Variants in MARCHF1 observed in about 807,000 individuals in gnomAD.
MARCHF1 encodes membrane associated ring-CH-type finger 1.
A neutral mutation model predicts 54.2 loss-of-function variants in MARCHF1; 40 were observed. The ratio of observed to expected loss-of-function variants is 0.74; its 90% CI spans 0.57 to 0.96. The LOEUF is 0.96. Among genes scored for constraint, MARCHF1 ranks in the 40% least tolerant of loss-of-function variants. MARCHF1 has a pLI of 0.00. For synonymous variants in MARCHF1, 236 were observed against 236.3 expected, an observed-to-expected ratio of 1.00 and a Z score of 0.01; for missense variants, 586 against 656.5, an observed-to-expected ratio of 0.89 and a Z score of 1.17.
At position 164,247,373 on chromosome 4, in the gene MARCHF1, C is replaced by T. The variant is rs544093976; in HGVS notation, c.-322-135711G>A. On this transcript the variant is annotated intron_variant, in intron 1 of 9. Coordinates refer to ENST00000514618, the MANE Select transcript of MARCHF1 (RefSeq NM_001394959.1). Reference sequence around the variant, plus strand: ...ATCACAAGAACAAAAAACCAAACACCGCATATTCTCACTCATAGGTGGGAA... The same window carrying T: ...ATCACAAGAACAAAAAACCAAACACTGCATATTCTCACTCATAGGTGGGAA... Among the ~76,000 whole-genome samples the T allele has an allele frequency of 5.8e-3, 847 of 145,140 alleles. 10 individuals carry two copies. Among genetic ancestry groups the T allele is most frequent in the African/African-American group, 0.02 (795 of 39,946 alleles).
At chr4:164,004,506 G>A (rs767022061) in intron 2 of MARCHF1, among the ~76,000 whole-genome samples, 2 of 151,816 alleles carry the variant, frequency 1.3e-5, no homozygotes, top group African/African-American at 2.4e-5. Flanking sequence ...TAACAACACT[G>A]TCAACCAATT....
At chr4:164,070,475 G>T (rs1754839037) in intron 2 of MARCHF1, among the ~76,000 whole-genome samples, 1 of 152,130 alleles carries the variant, frequency 6.6e-6, no homozygotes, top group Non-Finnish European at 1.5e-5. Flanking sequence ...GCTACTTGGG[G>T]ATGTGGGAAA....
At chr4:163,881,980 G>A (rs1019400009) in intron 3 of MARCHF1, among the ~76,000 whole-genome samples, 7 of 152,168 alleles carry the variant, frequency 4.6e-5, no homozygotes, top group African/African-American at 1.7e-4. Context: ...AAATCATAAA[G>A]TTCTTTGTCA....
At chr4:163,719,790 A>T (rs1287056833) in intron 4 of MARCHF1, among the ~76,000 whole-genome samples, 2 of 152,130 alleles carry the variant, frequency 1.3e-5, no homozygotes, top group Non-Finnish European at 2.9e-5. Flanking sequence ...AGTGATGATG[A>T]GCATTTTTTC....
intron 1 of MARCHF1, among the ~76,000 whole-genome samples, chr4:164,247,389 T>G (rs1334547014): frequency 2.7e-5 from 4 of 150,390 alleles, no homozygotes; most frequent in Non-Finnish European, 5.9e-5. Flanking sequence ...TTCTCACTCA[T>G]AGGTGGGAAT....
At chr4:163,705,872 C>T (rs911861969) in intron 4 of MARCHF1, among the ~76,000 whole-genome samples, 3 of 152,020 alleles carry the variant, frequency 2.0e-5, no homozygotes, top group African/African-American at 7.2e-5. Context: ...AGAAGCAATA[C>T]AACACTCCTT....
chr4:163,906,851 C>T (rs901345871), intron 3 of MARCHF1, among the ~76,000 whole-genome samples: 15 of 151,754 alleles, frequency 9.9e-5, no homozygotes, highest in African/African-American at 3.6e-4. Context: ...CACATAATAA[C>T]CACCATATTT....
chr4:163,774,847 C>T (rs1287524387), intron 4 of MARCHF1, among the ~76,000 whole-genome samples: 2 of 151,880 alleles, frequency 1.3e-5, no homozygotes, highest in East Asian at 1.9e-4. Context: ...TTGACATGAC[C>T]GTTATTATTA....
chr4:163,625,666 C>G (rs1239237935), intron 5 of MARCHF1, among the ~76,000 whole-genome samples: 1 of 152,228 alleles, frequency 6.6e-6, no homozygotes, highest in East Asian at 1.9e-4. Context: ...TGAATGAACT[C>G]AGTCCAAAGT....
At chr4:164,304,894 T>C (rs1734658295) in intron 1 of MARCHF1, among the ~76,000 whole-genome samples, 2 of 152,220 alleles carry the variant, frequency 1.3e-5, no homozygotes, top group South Asian at 2.1e-4. Flanking sequence ...AAGCGAAGTA[T>C]AGTAAATAAA....
intron 1 of MARCHF1, among the ~76,000 whole-genome samples, chr4:164,301,346 G>A (rs1734556196): frequency 6.6e-6 from 1 of 152,122 alleles, no homozygotes; most frequent in African/African-American, 2.4e-5. Context: ...AATGAAATGA[G>A]GTCCTACCTA....
chr4:164,172,834 G>A (rs35057879), intron 1 of MARCHF1, among the ~76,000 whole-genome samples: 28,640 of 151,730 alleles, frequency 0.19, 4,346 homozygotes, highest in African/African-American at 0.41. Context: ...AAAATTAGCC[G>A]GGCCCACGTG....
At position 164,332,968 on chromosome 4, in the gene MARCHF1, G is replaced by A. The variant is rs531772978; in HGVS notation, c.-323+50902C>T. On this transcript the variant is annotated intron_variant, in intron 1 of 9. Coordinates refer to ENST00000514618, the MANE Select transcript of MARCHF1 (RefSeq NM_001394959.1). ...ACTTTCATTATTGCTAAATTTTAGGGAATATTATGGTATTGTTCAATTGTT... is the reference window on the plus strand; with the variant it reads ...ACTTTCATTATTGCTAAATTTTAGGAAATATTATGGTATTGTTCAATTGTT... Among the ~76,000 whole-genome samples the A allele has an allele frequency of 1.3e-4, 19 of 151,910 alleles. No individual in the cohort carries two copies. In the East Asian group the frequency reaches 3.7e-3, roughly 29 times the overall value.
In MARCHF1 at chr4:163,870,954, C is replaced by T. The variant is rs114997065; in HGVS notation, c.-38-16785G>A. Among the ~76,000 whole-genome samples, 625 of 152,062 alleles carry T rather than the reference C, an allele frequency of 4.1e-3. 6 individuals are homozygous for T. Among genetic ancestry groups the T allele is most frequent in the African/African-American group, 0.014 (583 of 41,484 alleles). On this transcript the variant is annotated intron_variant, in intron 3 of 9. Coordinates refer to ENST00000514618, the MANE Select transcript of MARCHF1 (RefSeq NM_001394959.1). ...GTGACTATAATTAACAATAATTTAT[C>T]GTATATTTTCAAATAGCTATAAAGA...
chr4:164,189,514 G>A, intron 1 of MARCHF1: 1 of 764,898 alleles, frequency 1.3e-6, no homozygotes, highest in Non-Finnish European at 2.3e-6. Flanking sequence ...GTCCTTCAAT[G>A]GCAAGGAGTC....
intron 1 of MARCHF1, among the ~76,000 whole-genome samples, chr4:164,155,576 T>C (rs968518262): frequency 6.6e-6 from 1 of 152,144 alleles, no homozygotes; most frequent in Non-Finnish European, 1.5e-5. Context: ...AAAAGATTTT[T>C]TTCAAAGCAA....
At chr4:163,705,200 T>C (rs1020571480) in intron 4 of MARCHF1, among the ~76,000 whole-genome samples, 1 of 151,770 alleles carries the variant, frequency 6.6e-6, no homozygotes, top group African/African-American at 2.4e-5. Context: ...GTATTTTACT[T>C]TAAAGAACAC....
chr4:164,221,075 A>G (rs951443285), intron 1 of MARCHF1, among the ~76,000 whole-genome samples: 4 of 152,024 alleles, frequency 2.6e-5, no homozygotes, highest in Non-Finnish European at 5.9e-5. Flanking sequence ...GTATCCCATA[A>G]TGTTTATACA....
chr4:164,133,411 CCT>C (rs1756340887), intron 1 of MARCHF1, among the ~76,000 whole-genome samples: 1 of 152,028 alleles, frequency 6.6e-6, no homozygotes, highest in African/African-American at 2.4e-5. Context: ...ATTGTGATTC[CCT>C]CTCTCTCTGA....
Sources: gnomAD v4.1 joint callset for allele counts (sites outside exome capture counted in the v4.1 genomes callset) on GRCh38, gnomAD v4.1.1 for gene constraint, MANE v1.5 for transcripts, NCBI Gene and HGNC (gene_info 2026-07-23, HGNC 2026-07-21) for gene names.